The following PEPD variants were observed in gnomAD, a reference collection of about 807,000 sequenced individuals.
PEPD encodes xaa-Pro dipeptidase.
A neutral mutation model predicts 60.7 loss-of-function variants in PEPD; 53 were observed. The ratio of observed to expected loss-of-function variants is 0.87; its 90% CI spans 0.70 to 1.10. The LOEUF (loss-of-function observed/expected upper bound fraction) is 1.10, where lower values mean the gene tolerates loss of function less well. Ranked by LOEUF, PEPD falls within the 50% of genes least tolerant of loss-of-function variation. The pLI is 0.00. For missense variants in PEPD, 711 were observed against 711.9 expected, an observed-to-expected ratio of 1.00 and a Z score of 0.01; for synonymous variants, 267 against 284.1, an observed-to-expected ratio of 0.94 and a Z score of 0.60.
At chr19:33,521,595 G>A (rs1971136320) in intron 1 of PEPD, 149 bp downstream of exon 1, 3 of 865,418 alleles carry the variant, frequency 3.5e-6, no homozygotes, top group Non-Finnish European at 5.6e-6. Context: ...GCAGCTCGCC[G>A]ACCGGCGCTG....
At chr19:33,458,152 G>T (rs116784385) in intron 9 of PEPD, among the ~76,000 whole-genome samples, 2 of 151,730 alleles carry the variant, frequency 1.3e-5, no homozygotes, top group Non-Finnish European at 2.9e-5. Context: ...TGTGGTGTGT[G>T]CATATGGCTG....
At chr19:33,426,973 G>A (rs951665592) in intron 9 of PEPD, among the ~76,000 whole-genome samples, 4 of 152,340 alleles carry the variant, frequency 2.6e-5, no homozygotes, top group South Asian at 2.1e-4. Context: ...CACCGCGTGC[G>A]GCTGTGTTTT....
chr19:33,493,466 C>G, intron 4 of PEPD, 129 bp from the exon 5 acceptor site: 1 of 744,062 alleles, frequency 1.3e-6, no homozygotes, highest in South Asian at 1.5e-5. Flanking sequence ...GACGTGGGCG[C>G]TGCCCTCACC....
chr19:33,444,080 CACAT>C (rs563473077), intron 9 of PEPD, among the ~76,000 whole-genome samples: 3 of 152,190 alleles, frequency 2.0e-5, no homozygotes, highest in Non-Finnish European at 2.9e-5. Context: ...GGTGCGCGCA[CACAT>C]ACAAAGTGTG....
intron 4 of PEPD, among the ~76,000 whole-genome samples, chr19:33,498,137 A>G (rs1371889993): frequency 6.6e-6 from 1 of 152,072 alleles, no homozygotes; most frequent in Non-Finnish European, 1.5e-5. Context: ...CCGCCCCAGC[A>G]TGAAGCGCTT....
chr19:33,475,952 T>C (rs1011808412), intron 7 of PEPD, among the ~76,000 whole-genome samples: 1 of 152,182 alleles, frequency 6.6e-6, no homozygotes, highest in Non-Finnish European at 1.5e-5. Context: ...CTCGACCTCC[T>C]GGGCTCAAGC....
At chr19:33,498,047 C>A (rs1970640454) in intron 4 of PEPD, among the ~76,000 whole-genome samples, 1 of 151,966 alleles carries the variant, frequency 6.6e-6, no homozygotes, top group Non-Finnish European at 1.5e-5. Context: ...CAGCACAGTC[C>A]CTGCCCCGCT....
At chr19:33,428,085 G>A (rs1969188742) in intron 9 of PEPD, among the ~76,000 whole-genome samples, 1 of 152,116 alleles carries the variant, frequency 6.6e-6, no homozygotes, top group Non-Finnish European at 1.5e-5. Context: ...GAGGGTCTGG[G>A]CCCCCCTCCT....
At chr19:33,420,584 C>A (rs1456795178) in intron 9 of PEPD, among the ~76,000 whole-genome samples, 1 of 152,026 alleles carries the variant, frequency 6.6e-6, no homozygotes, top group Non-Finnish European at 1.5e-5. Flanking sequence ...TGCCTGTAAT[C>A]CCAGCTACTT....
At chr19:33,497,608 C>T (rs1970632353) in intron 4 of PEPD, among the ~76,000 whole-genome samples, 1 of 148,886 alleles carries the variant, frequency 6.7e-6, no homozygotes, top group African/African-American at 2.6e-5. Flanking sequence ...TCAGAGGAGA[C>T]AAGCGTTGGC....
chr19:33,420,694 T>C (rs1377876184), intron 9 of PEPD, among the ~76,000 whole-genome samples: 4 of 148,156 alleles, frequency 2.7e-5, no homozygotes, highest in African/African-American at 1.0e-4. Flanking sequence ...AAAGCCAGAC[T>C]CTGTCTCAAA....
Position 33,420,845 on chromosome 19 carries a change from G to A in PEPD, c.672-7202C>T, listed in dbSNP as rs1006020675. 3.9e-5 allele frequency among the ~76,000 whole-genome samples: 6 copies of A among 152,292 alleles called. No individual in the cohort carries two copies. The East Asian group carries it at 7.7e-4, about 20-fold the overall frequency. On this transcript the variant is annotated intron_variant, in intron 9 of 14. Coordinates refer to ENST00000244137, the MANE Select transcript of PEPD (RefSeq NM_000285.4). Reference sequence around the variant, plus strand: ...CAATGGCCCAGCACAACTTGGGCACGCCTGTGTGCCTGGCCCCCCTCCTGG... The same window carrying A: ...CAATGGCCCAGCACAACTTGGGCACACCTGTGTGCCTGGCCCCCCTCCTGG...
At chr19:33,425,354 G>A (rs548299141) in intron 9 of PEPD, among the ~76,000 whole-genome samples, 1 of 152,218 alleles carries the variant, frequency 6.6e-6, no homozygotes, top group East Asian at 1.9e-4. Flanking sequence ...GATGATCCTA[G>A]TTCAACACAA....
At chr19:33,437,014 C>T (rs929796553) in intron 9 of PEPD, among the ~76,000 whole-genome samples, 1 of 152,122 alleles carries the variant, frequency 6.6e-6, no homozygotes, top group Non-Finnish European at 1.5e-5. Flanking sequence ...AGTGGGAAAT[C>T]CAGAGAAGCT....
Position 33,432,402 on chromosome 19 carries a change from G to A in PEPD, c.672-18759C>T, listed in dbSNP as rs549065821. Among the ~76,000 whole-genome samples, 67 of 152,332 alleles carry A rather than the reference G, an allele frequency of 4.4e-4. 1 individual carries two copies. Among genetic ancestry groups the A allele is most frequent in the South Asian group, 2.7e-3 (13 of 4,828 alleles). On this transcript the variant is annotated intron_variant, in intron 9 of 14. Transcript: ENST00000244137. ...TCCTCTGGCTAAACACTCCCCACACGGGGCACCCCACCCTGGGGACCACCC... is the reference window on the plus strand; with the variant it reads ...TCCTCTGGCTAAACACTCCCCACACAGGGCACCCCACCCTGGGGACCACCC...
At chr19:33,487,736 T>C (rs1190798169) in intron 6 of PEPD, among the ~76,000 whole-genome samples, 1 of 152,088 alleles carries the variant, frequency 6.6e-6, no homozygotes, top group East Asian at 1.9e-4. Flanking sequence ...AGGCAGTCCC[T>C]GGCTCTCCAA....
At chr19:33,492,983 C>G (rs542051003) in intron 5 of PEPD, among the ~76,000 whole-genome samples, 147 of 152,306 alleles carry the variant, frequency 9.7e-4, no homozygotes, top group East Asian at 7.7e-4. Flanking sequence ...CTCAAGCACG[C>G]CTCCCACCTC....
chr19:33,480,913 A>G (rs1970303164), intron 6 of PEPD, among the ~76,000 whole-genome samples: 2 of 152,126 alleles, frequency 1.3e-5, no homozygotes, highest in South Asian at 4.1e-4. Flanking sequence ...TCTCAAGTGC[A>G]CATGGATCAT....
At chr19:33,487,580 G>A (rs901023028) in intron 6 of PEPD, among the ~76,000 whole-genome samples, 3 of 152,156 alleles carry the variant, frequency 2.0e-5, no homozygotes, top group South Asian at 2.1e-4. Flanking sequence ...GGAAACTGAC[G>A]CACCAGCACC....
Sources: allele counts gnomAD v4.1 joint callset (sites outside exome capture counted in the v4.1 genomes callset), GRCh38; gene constraint gnomAD v4.1.1; transcripts MANE v1.5; gene names NCBI Gene and HGNC (gene_info 2026-07-23, HGNC 2026-07-21).